WDR64: variants seen among roughly 807,000 people sequenced by gnomAD.
WDR64 encodes the protein WD repeat-containing protein 64.
WDR64 carries 112 observed loss-of-function variants against 139.3 expected under a neutral mutation model. The ratio of observed to expected loss-of-function variants is 0.80; its 90% confidence interval spans 0.69 to 0.94. WDR64 has a LOEUF of 0.94. WDR64 is among the 40% of genes least tolerant of loss of function. The pLI, the probability that WDR64 is intolerant of heterozygous loss-of-function variation, is 0.00. For synonymous variants in WDR64, 444 were observed against 437.7 expected (o/e 1.01, Z -0.18); for missense variants, 1,206 against 1,293.1 (o/e 0.93, Z 1.03).
chr1:241,766,143 A>G (rs1169785825), intron 15 of WDR64, 75 bp from the exon 16 acceptor site: 3 of 1,420,502 alleles, frequency 2.1e-6, no homozygotes, highest in Non-Finnish European at 1.9e-6. Context: ...TGACAATTAC[A>G]AAGTGTACAC....
chr1:241,656,175 T>C lies in WDR64; in HGVS notation c.145+3546T>C, dbSNP rs1189576743. 6.6e-6 allele frequency among the ~76,000 whole-genome samples: 1 copy of C among 152,208 alleles called. No individual in the cohort carries two copies. Among genetic ancestry groups the C allele is most frequent in the Non-Finnish European group, 1.5e-5 (1 of 68,032 alleles). On this transcript the variant is annotated intron_variant, in intron 1 of 27. Coordinates refer to ENST00000437684, the MANE Select transcript of WDR64 (RefSeq NM_001367482.1). The surrounding 1 kb of genome is among the most constrained non-coding windows in gnomAD (Gnocchi z 4.3). ...AAAGAGTGAGGAGAAGGCAGAAATG[T>C]CATCTTCACTTTTGTCAGGCTGTTA...
chr1:241,788,159 C>G lies in WDR64; in HGVS notation c.2891+125C>G, dbSNP rs1558525732. 7.8e-6 allele frequency: 6 copies of G among 772,964 alleles called. No homozygotes were observed. The East Asian group carries it at 1.9e-4, about 24-fold the overall frequency. 47.9% of individuals were successfully genotyped at this position (772,964 alleles called of 1,614,324 possible). On this transcript the variant is annotated intron_variant, in intron 24 of 27. Transcript: ENST00000437684. Reference sequence around the variant, plus strand: ...AGAACTTTTCAATAATTTTGTAATCCAGTGGAAGGGAAATGTATGTAAACA... The same window carrying G: ...AGAACTTTTCAATAATTTTGTAATCGAGTGGAAGGGAAATGTATGTAAACA...
intron 2 of WDR64, 109 bp downstream of exon 2, chr1:241,660,769 C>A: frequency 8.1e-7 from 1 of 1,238,328 alleles, no homozygotes. Flanking sequence ...CCACAACGTG[C>A]ATGTGTCAGT....
intron 3 of WDR64, among the ~76,000 whole-genome samples, chr1:241,674,300 C>T (rs185747886): frequency 7.3e-6 from 1 of 137,304 alleles, no homozygotes; most frequent in African/African-American, 2.7e-5. Context: ...GCTCTGTCAC[C>T]CAGGCTGGAG....
At chr1:241,765,557 C>A (rs1290509230) in intron 15 of WDR64, among the ~76,000 whole-genome samples, 3 of 152,150 alleles carry the variant, frequency 2.0e-5, no homozygotes, top group African/African-American at 4.8e-5. Flanking sequence ...AAGGGGAGAG[C>A]AACTGAGAGT....
chr1:241,660,399 A>G (rs1434486490), intron 1 of WDR64, 131 bp from the exon 2 acceptor site: 2 of 1,201,830 alleles, frequency 1.7e-6, no homozygotes, highest in Non-Finnish European at 2.3e-6. Context: ...AAGGTCTTTA[A>G]AATGCAAATA....
At chr1:241,793,487 G>A (rs1659265846) in intron 25 of WDR64, among the ~76,000 whole-genome samples, 2 of 152,270 alleles carry the variant, frequency 1.3e-5, no homozygotes, top group African/African-American at 4.8e-5. Context: ...CAAATGTCCA[G>A]TATGTCCTGA....
chr1:241,713,906 T>C (rs912307241), intron 9 of WDR64, among the ~76,000 whole-genome samples: 1 of 152,202 alleles, frequency 6.6e-6, no homozygotes, highest in Non-Finnish European at 1.5e-5. Context: ...CACGTTTGTA[T>C]GGTGGGAGAA....
chr1:241,689,890 G>T (rs1345590286), intron 8 of WDR64, among the ~76,000 whole-genome samples: 1 of 151,436 alleles, frequency 6.6e-6, no homozygotes, highest in East Asian at 1.9e-4. Context: ...AAAACAGAAA[G>T]CAAAGAGGAA....
chr1:241,750,724 T>C (rs1278900568), intron 14 of WDR64, among the ~76,000 whole-genome samples: 1 of 152,224 alleles, frequency 6.6e-6, no homozygotes, highest in Non-Finnish European at 1.5e-5. Context: ...TCACATTGAT[T>C]ATTCTGGTTC....
chr1:241,769,348 C>A, intron 16 of WDR64, 56 bp from the exon 17 acceptor site: 1 of 1,366,792 alleles, frequency 7.3e-7, no homozygotes, highest in East Asian at 2.5e-5. Context: ...AATCTTAGTA[C>A]TGTAAGCTCC....
intron 18 of WDR64, among the ~76,000 whole-genome samples, chr1:241,771,102 T>A (rs992960042): frequency 2.1e-4 from 22 of 103,468 alleles, no homozygotes; most frequent in Non-Finnish European, 3.6e-4. Context: ...GTTTTCAAAC[T>A]GTTCTCAGTT....
chr1:241,683,304 G>A (rs1558470611), intron 6 of WDR64, among the ~76,000 whole-genome samples, 183 bp from the exon 7 acceptor site: 1 of 152,090 alleles, frequency 6.6e-6, no homozygotes, highest in Non-Finnish European at 1.5e-5. Flanking sequence ...AACAATGTTG[G>A]GCTCACAGCG....
intron 27 of WDR64, among the ~76,000 whole-genome samples, chr1:241,796,839 T>C (rs1366755321): frequency 1.3e-5 from 2 of 152,168 alleles, no homozygotes; most frequent in Admixed American, 1.3e-4. Flanking sequence ...GTGTTTTAGC[T>C]CAGTGAGATG....
intron 5 of WDR64, among the ~76,000 whole-genome samples, chr1:241,678,892 A>G (rs1425101646): frequency 7.0e-6 from 1 of 142,720 alleles, no homozygotes; most frequent in African/African-American, 2.5e-5. Flanking sequence ...AAAAAAGCCA[A>G]CACTGGAATT....
At chr1:241,764,652 T>C (rs57034241) in intron 15 of WDR64, among the ~76,000 whole-genome samples, 22,896 of 151,952 alleles carry the variant, frequency 0.15, 1,922 homozygotes, top group African/African-American at 0.19. Context: ...CAGATCAAGA[T>C]TCTGTCTCTA....
chr1:241,705,562 T>TAAATA (rs370613376), intron 8 of WDR64, among the ~76,000 whole-genome samples: 2,058 of 112,486 alleles, frequency 0.018, 17 homozygotes, highest in African/African-American at 0.04. Flanking sequence ...AATAAATAAA[T>TAAATA]AATAATAATA....
rs1165746642 is a variant in WDR64 at position 241,801,872 on chromosome 1, C to A, written c.*657C>A. On this transcript the variant is annotated 3_prime_UTR_variant, in exon 28 of 28. Coordinates refer to ENST00000437684, the MANE Select transcript of WDR64 (RefSeq NM_001367482.1). Reference sequence around the variant, plus strand: ...TTAAATATATCAATAATTATGAAACCTTTAATAGGTTAAAGTATGCAAGTT... The same window carrying A: ...TTAAATATATCAATAATTATGAAACATTTAATAGGTTAAAGTATGCAAGTT... The A allele has an allele frequency of 1.0e-5, 4 of 397,636 alleles. 1 individual carries two copies. The highest frequency in any genetic ancestry group is 2.6e-4 in the South Asian group (2 of 7,818). The allele number at this position is 397,636 out of a possible 1,614,324, so 24.6% of individuals were successfully genotyped here.
chr1:241,726,404 T>TA (rs34985315), intron 10 of WDR64, among the ~76,000 whole-genome samples: 2 of 151,796 alleles, frequency 1.3e-5, no homozygotes, highest in African/African-American at 4.8e-5. Context: ...ACACCATCTT[T>TA]AAAAAAAGAG....
Sources: gnomAD v4.1 joint callset for allele counts (sites outside exome capture counted in the v4.1 genomes callset) on GRCh38, gnomAD v4.1.1 for gene constraint, Gnocchi (gnomAD v3.1) non-coding constraint, MANE v1.5 for transcripts, NCBI Gene and HGNC (gene_info 2026-07-23, HGNC 2026-07-21) for gene names.